MYBPC1: variants seen among roughly 807,000 people sequenced by gnomAD.
MYBPC1 encodes the protein myosin-binding protein C, slow-type.
A neutral mutation model predicts 147.1 loss-of-function variants in MYBPC1; 52 were observed. The ratio of observed to expected loss-of-function variants is 0.35; its 90% CI spans 0.28 to 0.45. The LOEUF is 0.45. Ranked by LOEUF, MYBPC1 falls within the 20% of genes least tolerant of loss-of-function variation. The probability of loss-of-function intolerance (pLI) is 1.00; values close to 1 mark genes in which losing one functional copy is unlikely to be tolerated. For missense variants in MYBPC1, 1,228 were observed against 1,440.3 expected (o/e 0.85, Z 2.39); for synonymous variants, 477 against 475.9 (o/e 1.00, Z -0.03).
Position 101,635,912 on chromosome 12 carries a change from A to G in MYBPC1, c.609-760A>G, listed in dbSNP as rs114403340. ...AATGTTAGCTCTGTAGCTTCTGGTT[A>G]GAGTTTATATGAAATCACAGTGGTG... On this transcript the variant is annotated intron_variant, in intron 9 of 31. Coordinates refer to ENST00000361466, the MANE Select transcript of MYBPC1 (RefSeq NM_002465.4). 5.6e-3 allele frequency among the ~76,000 whole-genome samples: 856 copies of G among 152,336 alleles called. 6 individuals carry two copies. Among genetic ancestry groups the G allele is most frequent in the African/African-American group, 0.019 (797 of 41,584 alleles).
Position 101,651,406 on chromosome 12 carries a change from G to A in MYBPC1, c.1526+13G>A. ...TTCACAAGGGAAGGTAAGCGAGCCA[G>A]GTGACCCGCAAGTGAGGTTTGGTCC... On this transcript the variant is annotated intron_variant, in intron 16 of 31. Transcript: ENST00000361466. 6.2e-7 allele frequency: 1 copy of A among 1,613,900 alleles called. No individual in the cohort carries two copies. Among genetic ancestry groups the A allele is most frequent in the African/African-American group, 1.3e-5 (1 of 75,022 alleles).
At position 101,662,553 on chromosome 12, in the gene MYBPC1, C is replaced by A; in HGVS notation, c.2221+7C>A. On this transcript the variant is annotated splice_region_variant and intron_variant, in intron 21 of 31. Transcript: ENST00000361466. Reference sequence around the variant, plus strand: ...AGGCCTTTTGTTCCTTTGGGTAAGTCAAGAGAGATGAGTCTTTGTCATCAG... The same window carrying A: ...AGGCCTTTTGTTCCTTTGGGTAAGTAAAGAGAGATGAGTCTTTGTCATCAG... 1 of 1,613,588 alleles carries A rather than the reference C, an allele frequency of 6.2e-7. No individual in the cohort carries two copies. Among genetic ancestry groups the A allele is most frequent in the South Asian group, 1.1e-5 (1 of 91,014 alleles).
intron 28 of MYBPC1, 100 bp downstream of exon 28, chr12:101,678,338 C>G: frequency 6.6e-7 from 1 of 1,517,694 alleles, no homozygotes; most frequent in Non-Finnish European, 9.1e-7. Flanking sequence ...CTACTTGTGT[C>G]TTCCCAGGAT....
rs1270068681 is a variant in MYBPC1, at chr12:101,594,995, C to T, written c.-76C>T. 9.7e-6 allele frequency: 14 copies of T among 1,450,412 alleles called. No individual in the cohort carries two copies. Among genetic ancestry groups the T allele is most frequent in the South Asian group, 2.3e-5 (2 of 86,968 alleles). 89.8% of individuals were successfully genotyped at this position (1,450,412 alleles called of 1,614,324 possible). A position where few individuals can be genotyped will look rare whatever the true frequency, so the allele number is the denominator to read the frequency against. On this transcript the variant is annotated 5_prime_UTR_variant, in exon 1 of 32. Coordinates refer to ENST00000361466, the MANE Select transcript of MYBPC1 (RefSeq NM_002465.4). Reference sequence around the variant, plus strand: ...TGTCACACCGACCTGCACCATCTCTCGCCTGCCTGTGGGGTTTCTGTCAAC... The same window carrying T: ...TGTCACACCGACCTGCACCATCTCTTGCCTGCCTGTGGGGTTTCTGTCAAC...
rs755091073 is a variant in MYBPC1, at chr12:101,662,424, A to G, written c.2099A>G (p.Lys700Arg). 4.3e-6 allele frequency: 7 copies of G among 1,614,256 alleles called. 1 individual carries two copies. The South Asian group carries it at 5.5e-5, about 13-fold the overall frequency. The change falls in exon 21 of 32, where the codon AAA (lysine) becomes AGA (arginine). Residue 700 changes from lysine (K) to arginine (R), a missense_variant. Physicochemically the swap from Lys to Arg is conservative, Grantham distance 26. Coordinates refer to ENST00000361466, the MANE Select transcript of MYBPC1 (RefSeq NM_002465.4). Reference sequence around the variant, plus strand: ...ATGAGGCTGAATTTTGATCTCTGCAAAGAAACAACTTTTGAGCCCAAGAAG... The same window carrying G: ...ATGAGGCTGAATTTTGATCTCTGCAGAGAAACAACTTTTGAGCCCAAGAAG... ...RWMRLNFDLC[K>R]ETTFEPKKMI...
chr12:101,626,779 G>A, intron 3 of MYBPC1, 93 bp from the exon 4 acceptor site: 2 of 1,100,854 alleles, frequency 1.8e-6, no homozygotes, highest in Non-Finnish European at 1.4e-6. Context: ...GTATTGTGTG[G>A]TTTCTCATCT....
At position 101,675,304 on chromosome 12, in the gene MYBPC1, C is replaced by T; in HGVS notation, c.2822C>T (p.Pro941Leu). 6.2e-7 allele frequency: 1 copy of T among 1,614,026 alleles called. No homozygotes were observed. The highest frequency in any genetic ancestry group is 8.5e-7 in the Non-Finnish European group (1 of 1,179,950). The change falls in exon 26 of 32, where the codon CCA (proline) becomes CTA (leucine). Residue 941 changes from proline to leucine, a missense_variant. Pro to Leu is a moderately conservative substitution (Grantham distance 98). Coordinates refer to ENST00000361466, the MANE Select transcript of MYBPC1 (RefSeq NM_002465.4). ...ATTCATCCTGTAGACCGTCCAGGTC[C>T]ACCCCAAATTGTGAAGATTGAGGAT... Reference protein sequence around the residue: ...IDIQIIDRPGPPQIVKIEDVW... With the variant: ...IDIQIIDRPGLPQIVKIEDVW...
chr12:101,658,339 A>G (rs1327909902), intron 18 of MYBPC1, among the ~76,000 whole-genome samples: 1 of 152,102 alleles, frequency 6.6e-6, no homozygotes, highest in Non-Finnish European at 1.5e-5. Flanking sequence ...AAAATGCATG[A>G]AGAAAACTCT....
At chr12:101,649,207 A>ATT (rs3215353) in intron 14 of MYBPC1, 53 bp from the exon 15 acceptor site, 5 of 1,523,668 alleles carry the variant, frequency 3.3e-6, no homozygotes, top group Non-Finnish European at 4.5e-6. Context: ...TGGACAAGGT[A>ATT]TTTTTCCTGA....
chr12:101,599,911 C>T (rs138561915), intron 1 of MYBPC1, among the ~76,000 whole-genome samples: 27 of 152,282 alleles, frequency 1.8e-4, no homozygotes, highest in African/African-American at 5.3e-4. Flanking sequence ...AGGGCAAATG[C>T]GTGCTAGAGG....
chr12:101,605,383 G>A (rs1037789912), intron 1 of MYBPC1, among the ~76,000 whole-genome samples: 1 of 152,146 alleles, frequency 6.6e-6, no homozygotes, highest in Non-Finnish European at 1.5e-5. Context: ...TTTCCAAAGA[G>A]ATTTGCAATA....
At chr12:101,695,267 T>A in the MYBPC1 span, among the ~76,000 whole-genome samples, 3 of 152,192 alleles carry the variant, frequency 2.0e-5, no homozygotes, top group Admixed American at 2.0e-4. Context: ...TGTACTATGT[T>A]GTTTCTAATA....
chr12:101,595,206 C>A, intron 1 of MYBPC1, 111 bp downstream of exon 1: 1 of 1,011,364 alleles, frequency 9.9e-7, no homozygotes, highest in Non-Finnish European at 1.5e-6. Flanking sequence ...AATAAAATCA[C>A]TATGATTTAA....
intron 23 of MYBPC1, among the ~76,000 whole-genome samples, chr12:101,669,498 C>T (rs1263958278): frequency 6.6e-6 from 1 of 152,174 alleles, no homozygotes; most frequent in Non-Finnish European, 1.5e-5. Flanking sequence ...CTGTCGAACT[C>T]CAACAGAGTC....
chr12:101,612,080 A>G (rs1172960454), intron 1 of MYBPC1, among the ~76,000 whole-genome samples: 1 of 122,728 alleles, frequency 8.1e-6, no homozygotes, highest in Non-Finnish European at 1.7e-5. Context: ...CATCTCAAAA[A>G]AAAAAGAAAA....
chr12:101,652,090 A>AAG (rs1308532304), intron 16 of MYBPC1, among the ~76,000 whole-genome samples: 1 of 152,250 alleles, frequency 6.6e-6, no homozygotes, highest in East Asian at 1.9e-4. Context: ...GAATCTGGCA[A>AAG]AGATCTAAGG....
At position 101,634,544 on chromosome 12, in the gene MYBPC1, C is replaced by T. The variant is rs529365953; in HGVS notation, c.557-10C>T. 122 of 1,608,864 alleles carry T rather than the reference C, an allele frequency of 7.6e-5. 2 individuals are homozygous for T. The Middle Eastern group carries it at 9.9e-4, about 13-fold the overall frequency. On this transcript the variant is annotated splice_polypyrimidine_tract_variant and intron_variant, in intron 8 of 31. Coordinates refer to ENST00000361466, the MANE Select transcript of MYBPC1 (RefSeq NM_002465.4). ...GGGTATTTATGTTATTGTTTTCTTTCCTTTCAAAGAATCTACTGGGACTAC... is the reference window on the plus strand; with the variant it reads ...GGGTATTTATGTTATTGTTTTCTTTTCTTTCAAAGAATCTACTGGGACTAC...
At chr12:101,607,861 A>C (rs1882835070) in intron 1 of MYBPC1, among the ~76,000 whole-genome samples, 1 of 152,230 alleles carries the variant, frequency 6.6e-6, no homozygotes, top group Non-Finnish European at 1.5e-5. Flanking sequence ...TTAAGACGTA[A>C]GATTTCTTTT....
intron 1 of MYBPC1, among the ~76,000 whole-genome samples, chr12:101,614,090 C>T (rs553516883): frequency 6.6e-6 from 1 of 152,290 alleles, no homozygotes; most frequent in South Asian, 2.1e-4. Flanking sequence ...TAACAGCAGT[C>T]CTGCCCATAT....
Sources: allele counts gnomAD v4.1 joint callset (sites outside exome capture counted in the v4.1 genomes callset), GRCh38; gene constraint gnomAD v4.1.1; transcripts MANE v1.5; gene names NCBI Gene and HGNC (gene_info 2026-07-23, HGNC 2026-07-21).